ZNF558: variants seen among roughly 807,000 people sequenced by gnomAD.
The protein encoded by ZNF558 is zinc finger protein 558.
A neutral mutation model predicts 37.6 loss-of-function variants in ZNF558; 23 were observed. The ratio of observed to expected loss-of-function variants is 0.61; its 90% CI spans 0.44 to 0.87. The LOEUF is 0.87. ZNF558 is among the 40% of genes least tolerant of loss of function. The pLI is 0.00. For synonymous variants in ZNF558, 189 were observed against 174.4 expected (o/e 1.08, Z -0.66); for missense variants, 429 against 483.7 (o/e 0.89, Z 1.06).
upstream of ZNF558, chr19:8,832,330 G>A (rs2044382476): frequency 2.0e-5 from 3 of 152,342 alleles, no homozygotes; most frequent in Admixed American, 1.3e-4. Context: ...TTCCGGTCTG[G>A]GGAGAGGTGC....
In ZNF558 at chr19:8,811,235, G is replaced by A; in HGVS notation, c.*46C>T. The A allele has an allele frequency of 1.3e-6, 2 of 1,505,556 alleles. No homozygotes were observed. The highest frequency in any genetic ancestry group is 1.8e-6 in the Non-Finnish European group (2 of 1,123,740). 93.3% of individuals were successfully genotyped at this position (1,505,556 alleles called of 1,614,324 possible). A position where few individuals can be genotyped will look rare whatever the true frequency, so the allele number is the denominator to read the frequency against. On this transcript the variant is annotated 3_prime_UTR_variant, in exon 10 of 10. Coordinates refer to ENST00000601372, the MANE Select transcript of ZNF558 (RefSeq NM_144693.3). ...GTGAGCTCTCTCAAACTATCTTAGG[G>A]ATGAAAGATCAATGAGTGCTTTCCT...
upstream of ZNF558, among the ~76,000 whole-genome samples, chr19:8,836,075 C>T (rs185147583): frequency 7.9e-5 from 12 of 152,102 alleles, no homozygotes; most frequent in South Asian, 6.2e-4. Flanking sequence ...ATAGTGGTGA[C>T]GATTGCGCAA....
At position 8,821,255 on chromosome 19, in the gene ZNF558, C is replaced by T. The variant is rs2044080911; in HGVS notation, c.172G>A (p.Ala58Thr). ...GTCCTTTGGGCAGGGTCCAGCAACG[C>T]CCACTCCTCCTGGGTGAACTCCACG... ...VAVEFTQEEW[A>T]LLDPAQRTLY... Residue 58 changes from alanine (A) to threonine (T), a missense_variant, in exon 7 of 10, where the codon GCG becomes ACG. Transcript: ENST00000601372. The T allele has an allele frequency of 3.7e-6, 6 of 1,614,188 alleles. No homozygotes were observed. In the East Asian group the frequency reaches 1.3e-4, roughly 36 times the overall value.
At chr19:8,814,366 G>C (rs2043875539) in intron 7 of ZNF558, among the ~76,000 whole-genome samples, 1 of 152,068 alleles carries the variant, frequency 6.6e-6, no homozygotes, top group African/African-American at 2.4e-5. Flanking sequence ...GGACTGAGCT[G>C]GTTACCTGGA....
At chr19:8,812,514 G>C (rs1555768633) in intron 9 of ZNF558, 47 bp downstream of exon 9, 7 of 1,317,452 alleles carry the variant, frequency 5.3e-6, no homozygotes, top group Non-Finnish European at 7.2e-6. Flanking sequence ...TAAACTTAAG[G>C]CATTCTCCTA....
intron 2 of ZNF558, among the ~76,000 whole-genome samples, chr19:8,829,034 C>T (rs959443623): frequency 6.6e-5 from 10 of 150,544 alleles, no homozygotes; most frequent in Non-Finnish European, 1.2e-4. Context: ...GAGGCTGAGG[C>T]GGGTGGATCA....
At chr19:8,818,542 A>G (rs1175513310) in intron 7 of ZNF558, among the ~76,000 whole-genome samples, 1 of 152,166 alleles carries the variant, frequency 6.6e-6, no homozygotes, top group East Asian at 1.9e-4. Context: ...AACAATCACT[A>G]TCAAAATTCT....
upstream of ZNF558, among the ~76,000 whole-genome samples, chr19:8,835,055 T>A (rs559257779): frequency 3.9e-5 from 6 of 152,080 alleles, no homozygotes; most frequent in African/African-American, 1.4e-4. Context: ...AGAGTTTTTT[T>A]TTTTTTTTCT....
At chr19:8,821,426 G>A in intron 6 of ZNF558, 120 bp from the exon 7 acceptor site, 2 of 1,583,132 alleles carry the variant, frequency 1.3e-6, no homozygotes, top group Non-Finnish European at 1.7e-6. Context: ...GTTGGGGGGG[G>A]TGGTTCTGAG....
intron 7 of ZNF558, among the ~76,000 whole-genome samples, chr19:8,813,913 T>C (rs2043862907): frequency 6.6e-6 from 1 of 152,180 alleles, no homozygotes; most frequent in African/African-American, 2.4e-5. Context: ...TATGGTCCCA[T>C]TCATCACTGT....
chr19:8,823,413 A>G (rs2967751), intron 4 of ZNF558, among the ~76,000 whole-genome samples: 1 of 6,656 alleles, frequency 1.5e-4, no homozygotes, highest in African/African-American at 5.8e-4. Context: ...ATCCTGCCTC[A>G]GTCAGCCCCC....
rs1599260357 is a variant in ZNF558, at chr19:8,815,493, AAG to A, written c.248-2273_248-2272del. On this transcript the variant is annotated intron_variant, in intron 7 of 9. Transcript: ENST00000601372. ...ATTATCCAGTCTGAGGAGCAGAAAA[AAG>A]AGAGATGCCAGGTGCAATGGCTCAT... is the stretch of plus-strand genomic sequence containing the variant. 2.0e-5 allele frequency among the ~76,000 whole-genome samples: 3 copies of A among 152,250 alleles called. No individual in the cohort carries two copies. In the East Asian group the frequency reaches 5.8e-4, roughly 29 times the overall value.
upstream of ZNF558, among the ~76,000 whole-genome samples, chr19:8,837,292 T>C (rs1053523747): frequency 6.6e-6 from 1 of 152,236 alleles, no homozygotes; most frequent in Non-Finnish European, 1.5e-5. Flanking sequence ...CTACCTCCTA[T>C]TTAATATGAC....
intron 6 of ZNF558, chr19:8,821,507 C>A: frequency 6.9e-7 from 1 of 1,444,772 alleles, no homozygotes; most frequent in Non-Finnish European, 9.0e-7. Flanking sequence ...GAGCTCTTCT[C>A]CCTGGCTTCT....
rs564459901 is a variant in ZNF558, at chr19:8,807,541, C to T, written c.*3740G>A. 6.6e-6 allele frequency: 1 copy of T among 152,346 alleles called. No homozygotes were observed. The highest frequency in any genetic ancestry group is 2.4e-5 in the African/African-American group (1 of 41,564). 9.4% of individuals were successfully genotyped at this position (152,346 alleles called of 1,614,324 possible). On this transcript the variant is annotated 3_prime_UTR_variant, in exon 10 of 10. Transcript: ENST00000601372. ...ACATCATCTTTTACTGCTCCCTCAT[C>T]ACCCCTTTGTTCCACTCCAGCTGTA...
upstream of ZNF558, among the ~76,000 whole-genome samples, chr19:8,835,895 A>G (rs554198777): frequency 3.3e-5 from 5 of 152,378 alleles, no homozygotes; most frequent in African/African-American, 1.2e-4. Context: ...TACGGTAAGT[A>G]AAAGAAGCCA....
chr19:8,837,485 C>G, the ZNF558 span, among the ~76,000 whole-genome samples: 1 of 152,160 alleles, frequency 6.6e-6, no homozygotes, highest in Non-Finnish European at 1.5e-5. Flanking sequence ...TTGTAACCCA[C>G]AAAGTCTAGG....
In ZNF558 at chr19:8,810,091, T is replaced by G. The variant is rs2043748419; in HGVS notation, c.*1190A>C. On this transcript the variant is annotated 3_prime_UTR_variant, in exon 10 of 10. Transcript: ENST00000601372. ...CATCACTGAAGGCTTTCTCTTCTTCTTTATATTTCAAGTTTCTCTGTAGTG... is the reference window on the plus strand; with the variant it reads ...CATCACTGAAGGCTTTCTCTTCTTCGTTATATTTCAAGTTTCTCTGTAGTG... 1 of 152,238 alleles carries G rather than the reference T, an allele frequency of 6.6e-6. No homozygotes were observed. Among genetic ancestry groups the G allele is most frequent in the Non-Finnish European group, 1.5e-5 (1 of 68,040 alleles). 9.4% of individuals were successfully genotyped at this position (152,238 alleles called of 1,614,324 possible). A position where few individuals can be genotyped will look rare whatever the true frequency, so the allele number is the denominator to read the frequency against.
At chr19:8,831,257 G>T (rs917254667) in intron 2 of ZNF558, 61 bp downstream of exon 2, 23 of 152,190 alleles carry the variant, frequency 1.5e-4, no homozygotes, top group African/African-American at 5.6e-4. Context: ...AAGCCCACGA[G>T]GAGTTCTTCT....
Sources: allele counts gnomAD v4.1 joint callset (sites outside exome capture counted in the v4.1 genomes callset), GRCh38; gene constraint gnomAD v4.1.1; transcripts MANE v1.5; gene names NCBI Gene and HGNC (gene_info 2026-07-23, HGNC 2026-07-21).